The following DNAH14 variants were observed in gnomAD, a reference collection of about 807,000 sequenced individuals.
The protein encoded by DNAH14 is axonemal beta dynein heavy chain 14.
DNAH14 carries 478 observed loss-of-function variants against 520.9 expected under a neutral mutation model. The ratio of observed to expected loss-of-function variants is 0.92; its 90% CI spans 0.85 to 0.99. The LOEUF (loss-of-function observed/expected upper bound fraction) is 0.99, where lower values mean the gene tolerates loss of function less well. DNAH14 is among the 50% of genes least tolerant of loss of function. The pLI is 0.00. For missense variants in DNAH14, 4,831 were observed against 5,234.5 expected, an observed-to-expected ratio of 0.92 and a Z score of 2.38; for synonymous variants, 1,581 against 1,757.2, an observed-to-expected ratio of 0.90 and a Z score of 2.51.
In DNAH14 at chr1:225,337,395, C is replaced by G. The variant is rs2095079725; in HGVS notation, c.10210C>G (p.Gln3404Glu). 6.4e-7 allele frequency: 1 copy of G among 1,551,672 alleles called. No individual in the cohort carries two copies. Among genetic ancestry groups the G allele is most frequent in the African/African-American group, 1.4e-5 (1 of 73,138 alleles). ...PHRQAHKWIR[Q>E]MEGSRLQKLS... Reference sequence around the variant, plus strand: ...TAGGCAAGCTCACAAATGGATCCGTCAGATGGAAGGATCCAGGCTGCAGAA... The same window carrying G: ...TAGGCAAGCTCACAAATGGATCCGTGAGATGGAAGGATCCAGGCTGCAGAA... Residue 3404 changes from glutamine to glutamate, a missense_variant, in exon 67 of 86, where the codon CAG becomes GAG. Transcript: ENST00000682510.
At chr1:225,351,102 A>C (rs1465351924) in intron 71 of DNAH14, among the ~76,000 whole-genome samples, 1 of 152,188 alleles carries the variant, frequency 6.6e-6, no homozygotes, top group Non-Finnish European at 1.5e-5. Flanking sequence ...TGAACTGTAC[A>C]CTTAAGAATG....
intron 10 of DNAH14, among the ~76,000 whole-genome samples, chr1:225,008,274 G>A (rs953135040): frequency 3.9e-5 from 6 of 152,152 alleles, no homozygotes; most frequent in East Asian, 1.9e-4. Flanking sequence ...TTATGGTTGC[G>A]TAGTATTCCA....
At chr1:225,172,864 C>G (rs1267868786) in intron 36 of DNAH14, among the ~76,000 whole-genome samples, 2 of 152,176 alleles carry the variant, frequency 1.3e-5, no homozygotes, top group African/African-American at 4.8e-5. Flanking sequence ...AACTATACTA[C>G]AAGGCTACCA....
In DNAH14 at chr1:225,152,859, AGC is replaced by A; in HGVS notation, c.5177_5178del (p.Arg1726GlnfsTer10). ...GAAAGCTAACTAACCTTTATGAATTAGCGCGCAAACAGCTCTCACAACAGGTA... is the reference window on the plus strand; with the variant it reads ...GAAAGCTAACTAACCTTTATGAATTAGCGCAAACAGCTCTCACAACAGGTA... ...SGKLTNLYELARKQLSQQDHY... is the reference protein window; with the variant it reads ...SGKLTNLYELXRKQLSQQDHY... On this transcript the variant is annotated frameshift_variant, in exon 33 of 86. Transcript: ENST00000682510. LOFTEE classifies it high-confidence loss of function. 1 of 1,550,652 alleles carries A rather than the reference AGC, an allele frequency of 6.4e-7. No individual in the cohort carries two copies. Among genetic ancestry groups the A allele is most frequent in the South Asian group, 1.2e-5 (1 of 83,944 alleles).
chr1:225,196,508 G>T (rs1339270701), intron 38 of DNAH14, among the ~76,000 whole-genome samples: 1 of 152,082 alleles, frequency 6.6e-6, no homozygotes, highest in Non-Finnish European at 1.5e-5. Context: ...CATGTAATGA[G>T]TTCTTTTCCT....
chr1:224,933,229 G>T (rs1405980883), intron 1 of DNAH14, among the ~76,000 whole-genome samples: 1 of 151,796 alleles, frequency 6.6e-6, no homozygotes, highest in African/African-American at 2.4e-5. Context: ...TCTTGGCTAG[G>T]TCATTATTAG....
At chr1:225,358,719 C>A in intron 74 of DNAH14, 67 bp downstream of exon 74, 1 of 1,465,616 alleles carries the variant, frequency 6.8e-7, no homozygotes, top group South Asian at 1.3e-5. Context: ...CCAAATCTTA[C>A]CTTGAATTGT....
chr1:225,257,219 A>G (rs2092769018), intron 44 of DNAH14, among the ~76,000 whole-genome samples: 1 of 152,216 alleles, frequency 6.6e-6, no homozygotes, highest in South Asian at 2.1e-4. Flanking sequence ...CCACTGGAGA[A>G]CTGCTATAAT....
chr1:225,318,491 C>G, intron 60 of DNAH14, 92 bp from the exon 61 acceptor site: 1 of 1,122,004 alleles, frequency 8.9e-7, no homozygotes, highest in African/African-American at 1.6e-5. Context: ...GTAAAAATAT[C>G]AAATTATATT....
intron 55 of DNAH14, among the ~76,000 whole-genome samples, chr1:225,296,509 GTTTT>G (rs71281019): frequency 7.3e-6 from 1 of 137,858 alleles, no homozygotes; most frequent in Non-Finnish European, 1.6e-5. Flanking sequence ...GTGGTGGGTG[GTTTT>G]TTTTTTTTTG....
At chr1:225,361,944 A>G (rs2095496939) in intron 75 of DNAH14, among the ~76,000 whole-genome samples, 1 of 152,232 alleles carries the variant, frequency 6.6e-6, no homozygotes, top group Non-Finnish European at 1.5e-5. Context: ...GAAGACAAAG[A>G]TTGCTTAGTT....
rs1558428323 is a variant in DNAH14 at position 225,335,385 on chromosome 1, ACATATACACATGTGTACATG to A, written c.10080+1880_10081-1861del. On this transcript the variant is annotated intron_variant, in intron 66 of 85. Coordinates refer to ENST00000682510, the MANE Select transcript of DNAH14 (RefSeq NM_001367479.1). Reference sequence around the variant, plus strand: ...CACGTGTACATGTGTGTGTATATGCACATATACACATGTGTACATGTGTGTGTATGCACATATGCACGTGT... The same window carrying A: ...CACGTGTACATGTGTGTGTATATGCATGTGTGTATGCACATATGCACGTGT... Among the ~76,000 whole-genome samples the A allele has an allele frequency of 3.9e-5, 4 of 103,518 alleles. 1 individual carries two copies. Among genetic ancestry groups the A allele is most frequent in the Non-Finnish European group, 8.0e-5 (4 of 50,188 alleles). The allele number at this position is 103,518 out of a possible 152,430, so 67.9% of individuals were successfully genotyped here. A position where few individuals can be genotyped will look rare whatever the true frequency, so the allele number is the denominator to read the frequency against.
chr1:225,176,859 G>C (rs1480661700), intron 36 of DNAH14, among the ~76,000 whole-genome samples: 1 of 152,150 alleles, frequency 6.6e-6, no homozygotes, highest in Non-Finnish European at 1.5e-5. Flanking sequence ...CCAGTCTTGG[G>C]TATGTCTCTA....
chr1:224,945,168 A>G (rs1342663456), intron 1 of DNAH14, among the ~76,000 whole-genome samples: 1 of 151,930 alleles, frequency 6.6e-6, no homozygotes, highest in East Asian at 1.9e-4. Flanking sequence ...AGAGTCCCAT[A>G]TTTCTTGGAA....
intron 27 of DNAH14, among the ~76,000 whole-genome samples, chr1:225,133,169 GTTGT>G (rs1477815109): frequency 1.3e-5 from 2 of 152,062 alleles, no homozygotes; most frequent in Non-Finnish European, 2.9e-5. Flanking sequence ...CATTCTGTAG[GTTGT>G]TTGTTCACTC....
intron 21 of DNAH14, among the ~76,000 whole-genome samples, chr1:225,092,317 A>G (rs1009399760): frequency 6.6e-6 from 1 of 152,134 alleles, no homozygotes; most frequent in Non-Finnish European, 1.5e-5. Context: ...AAAATAGTTA[A>G]ATCATACCAA....
chr1:225,370,132 A>G (rs1022458931), intron 77 of DNAH14, among the ~76,000 whole-genome samples: 1 of 152,100 alleles, frequency 6.6e-6, no homozygotes, highest in Admixed American at 6.5e-5. Flanking sequence ...TCTACTGAAA[A>G]CAAAAATTAG....
intron 20 of DNAH14, among the ~76,000 whole-genome samples, chr1:225,083,936 A>C (rs2073434442): frequency 6.6e-6 from 1 of 152,160 alleles, no homozygotes; most frequent in African/African-American, 2.4e-5. Flanking sequence ...AAGGGTGAGA[A>C]TTTTGCAGAC....
rs1285189956 is a variant in DNAH14 at position 225,119,295 on chromosome 1, G to T, written c.4166+1G>T. The T allele has an allele frequency of 6.6e-7, 1 of 1,506,896 alleles. No homozygotes were observed. The highest frequency in any genetic ancestry group is 1.4e-5 in the African/African-American group (1 of 71,842). 93.3% of individuals were successfully genotyped at this position (1,506,896 alleles called of 1,614,324 possible). A position where few individuals can be genotyped will look rare whatever the true frequency, so the allele number is the denominator to read the frequency against. ...AAAGCATGTTCGATGTGCTAAAAAAGTAAGTACAATTTTCAAATCCTAAAA... is the reference window on the plus strand; with the variant it reads ...AAAGCATGTTCGATGTGCTAAAAAATTAAGTACAATTTTCAAATCCTAAAA... On this transcript the variant is annotated splice_donor_variant, in intron 26 of 85. Coordinates refer to ENST00000682510, the MANE Select transcript of DNAH14 (RefSeq NM_001367479.1). LOFTEE classifies it high-confidence loss of function.
Sources: gnomAD v4.1 joint callset for allele counts (sites outside exome capture counted in the v4.1 genomes callset) on GRCh38, gnomAD v4.1.1 for gene constraint, MANE v1.5 for transcripts, NCBI Gene and HGNC (gene_info 2026-07-23, HGNC 2026-07-21) for gene names.